The following EML6 variants were observed in gnomAD, a reference collection of about 807,000 sequenced individuals.
EML6 encodes EMAP like 6.
Under a neutral mutation model 240.1 loss-of-function variants are expected in EML6, and 154 were observed. The ratio of observed to expected loss-of-function variants is 0.64; its 90% CI spans 0.56 to 0.73. The LOEUF (loss-of-function observed/expected upper bound fraction) is 0.73, where lower values mean the gene tolerates loss of function less well. EML6 is among the 30% of genes least tolerant of loss of function. The pLI, the probability that EML6 is intolerant of heterozygous loss-of-function variation, is 0.00. For missense variants in EML6, 2,964 were observed against 2,474.6 expected, an observed-to-expected ratio of 1.20 and a Z score of -4.20; for synonymous variants, 1,148 against 899.0, an observed-to-expected ratio of 1.28 and a Z score of -4.95.
At chr2:54,901,385 C>A (rs1157872164) in intron 22 of EML6, among the ~76,000 whole-genome samples, 1 of 152,204 alleles carries the variant, frequency 6.6e-6, no homozygotes, top group Non-Finnish European at 1.5e-5. Flanking sequence ...TGCTCGTAAT[C>A]ACTACAGGCT....
At chr2:54,764,440 C>T (rs551650939) in intron 2 of EML6, among the ~76,000 whole-genome samples, 8 of 152,196 alleles carry the variant, frequency 5.3e-5, no homozygotes, top group African/African-American at 1.7e-4. Flanking sequence ...TTCATTATCC[C>T]TATTGCTCGT....
In EML6 at chr2:54,820,474, TG is replaced by T; in HGVS notation, c.525+13del. On this transcript the variant is annotated intron_variant, in intron 5 of 41. Coordinates refer to ENST00000356458, the MANE Select transcript of EML6 (RefSeq NM_001039753.4). ...TAAAACACATAAAGGTAAAGCTTTT[TG>T]TTTTTTAATTTTGGTACCTTGAGTG... 6.6e-7 allele frequency: 1 copy of T among 1,518,738 alleles called. No homozygotes were observed. Among genetic ancestry groups the T allele is most frequent in the Non-Finnish European group, 8.9e-7 (1 of 1,122,412 alleles). The allele number at this position is 1,518,738 out of a possible 1,614,324, so 94.1% of individuals were successfully genotyped here.
intron 2 of EML6, among the ~76,000 whole-genome samples, chr2:54,807,260 G>T (rs1480018352): frequency 1.3e-5 from 2 of 152,270 alleles, no homozygotes; most frequent in East Asian, 3.9e-4. Flanking sequence ...AATGATTAAA[G>T]TTCCAATATG....
chr2:54,888,228 C>A (rs1227857467), intron 17 of EML6, among the ~76,000 whole-genome samples: 1 of 152,066 alleles, frequency 6.6e-6, no homozygotes, highest in East Asian at 1.9e-4. Context: ...TGCAGTGTGG[C>A]CGGGAGACAT....
chr2:54,899,625 T>C lies in EML6; in HGVS notation c.2983-16T>C. On this transcript the variant is annotated splice_polypyrimidine_tract_variant and intron_variant, in intron 21 of 41. Transcript: ENST00000356458. ...GCATAAGTAGAGTTTATGTTGCCCC[T>C]TTTCCTCTCCCACAGGGGCACATGG... is the stretch of plus-strand genomic sequence containing the variant. 1 of 1,550,460 alleles carries C rather than the reference T, an allele frequency of 6.4e-7. No individual in the cohort carries two copies. Among genetic ancestry groups the C allele is most frequent in the Non-Finnish European group, 8.7e-7 (1 of 1,146,334 alleles).
chr2:54,918,017 C>G (rs950603830), intron 26 of EML6, among the ~76,000 whole-genome samples: 1 of 152,166 alleles, frequency 6.6e-6, no homozygotes, highest in African/African-American at 2.4e-5. Context: ...TTTTGGCTGC[C>G]ACACTACAAA....
chr2:54,783,006 T>A (rs1453158408), intron 2 of EML6, among the ~76,000 whole-genome samples: 1 of 152,220 alleles, frequency 6.6e-6, no homozygotes, highest in Non-Finnish European at 1.5e-5. Context: ...TCATAGCTGT[T>A]TTTATTGCTG....
intron 13 of EML6, among the ~76,000 whole-genome samples, chr2:54,865,535 C>G (rs868237723): frequency 2.1e-4 from 32 of 152,120 alleles, no homozygotes; most frequent in African/African-American, 7.7e-4. Context: ...GTTTGAATAT[C>G]CTTAATGTGA....
chr2:54,855,890 T>C (rs1221256384), intron 11 of EML6, among the ~76,000 whole-genome samples: 1 of 152,142 alleles, frequency 6.6e-6, no homozygotes, highest in Non-Finnish European at 1.5e-5. Context: ...CTGTCTGTAA[T>C]TTAGGTGACA....
chr2:54,941,520 G>A (rs1300590843), intron 28 of EML6, among the ~76,000 whole-genome samples: 2 of 152,200 alleles, frequency 1.3e-5, no homozygotes, highest in African/African-American at 4.8e-5. Flanking sequence ...GAGTTGCTAA[G>A]AACTGACCAT....
chr2:54,837,986 A>T (rs1169101167), intron 7 of EML6, among the ~76,000 whole-genome samples: 1 of 152,326 alleles, frequency 6.6e-6, no homozygotes, highest in African/African-American at 2.4e-5. Context: ...CTCTTGGACC[A>T]AATAATTGGG....
intron 29 of EML6, 24 bp from the exon 30 acceptor site, chr2:54,950,626 A>G (rs374586341): frequency 1.3e-6 from 2 of 1,550,858 alleles, no homozygotes; most frequent in East Asian, 2.4e-5. Flanking sequence ...TGAGGGTCAC[A>G]TTGATCTGTG....
intron 24 of EML6, among the ~76,000 whole-genome samples, chr2:54,904,163 T>C (rs1436479368): frequency 1.3e-5 from 2 of 152,098 alleles, no homozygotes; most frequent in South Asian, 2.1e-4. Flanking sequence ...GAGATACTTA[T>C]CCATAAATAA....
At chr2:54,937,349 C>T (rs1217558429) in intron 28 of EML6, among the ~76,000 whole-genome samples, 1 of 151,042 alleles carries the variant, frequency 6.6e-6, no homozygotes, top group African/African-American at 2.4e-5. Flanking sequence ...CTTTGGGAAG[C>T]CGAGGCAGGA....
At chr2:54,853,512 AT>A (rs1347419516) in intron 10 of EML6, 130 bp from the exon 11 acceptor site, 2 of 598,320 alleles carry the variant, frequency 3.3e-6, no homozygotes, top group African/African-American at 3.8e-5. Context: ...AAAATCGCAA[AT>A]GGGATAAAGA....
chr2:54,931,878 C>T (rs922378757), intron 28 of EML6, among the ~76,000 whole-genome samples: 4 of 152,208 alleles, frequency 2.6e-5, no homozygotes, highest in Admixed American at 6.5e-5. Context: ...ACTGTAGCAC[C>T]TGTCGTACTG....
At chr2:54,902,939 C>A (rs1038729271) in intron 22 of EML6, 105 bp from the exon 23 acceptor site, 2 of 999,498 alleles carry the variant, frequency 2.0e-6, no homozygotes, top group Non-Finnish European at 2.9e-6. Context: ...AAGGCAGTCA[C>A]GTGTCCATAC....
chr2:54,738,431 G>A (rs1683492115), intron 2 of EML6, among the ~76,000 whole-genome samples: 1 of 152,102 alleles, frequency 6.6e-6, no homozygotes, highest in Non-Finnish European at 1.5e-5. Flanking sequence ...TTATTGCAGT[G>A]TAATACAGAT....
At chr2:54,848,906 C>A (rs1210201128) in intron 9 of EML6, among the ~76,000 whole-genome samples, 3 of 152,174 alleles carry the variant, frequency 2.0e-5, no homozygotes, top group Non-Finnish European at 2.9e-5. Flanking sequence ...TAATTTTCTT[C>A]AGCTGCTTTT....
Sources: gnomAD v4.1 joint callset for allele counts (sites outside exome capture counted in the v4.1 genomes callset) on GRCh38, gnomAD v4.1.1 for gene constraint, MANE v1.5 for transcripts, NCBI Gene and HGNC (gene_info 2026-07-23, HGNC 2026-07-21) for gene names.